PCCB: variants seen among roughly 807,000 people sequenced by gnomAD.
The protein encoded by PCCB is propionyl-CoA carboxylase beta chain, mitochondrial.
PCCB carries 43 observed loss-of-function variants against 60.7 expected under a neutral mutation model. The observed-to-expected ratio is 0.71, with a 90% CI of 0.55 to 0.91. The LOEUF is 0.91. Ranked by LOEUF, PCCB falls within the 40% of genes least tolerant of loss-of-function variation. The pLI is 0.00. For synonymous variants in PCCB, 276 were observed against 255.9 expected, an observed-to-expected ratio of 1.08 and a Z score of -0.75; for missense variants, 766 against 702.8, an observed-to-expected ratio of 1.09 and a Z score of -1.02.
intron 14 of PCCB, 97 bp from the exon 15 acceptor site, chr3:136,329,808 G>A (rs1935473921): frequency 7.4e-7 from 1 of 1,358,632 alleles, no homozygotes; most frequent in East Asian, 2.3e-5. Flanking sequence ...TGCTTATACT[G>A]CTGGCCCCAG....
intron 10 of PCCB, among the ~76,000 whole-genome samples, chr3:136,321,087 T>G (rs1421530484): frequency 6.6e-6 from 1 of 152,258 alleles, no homozygotes; most frequent in East Asian, 1.9e-4. Flanking sequence ...ATGTGGTTTT[T>G]GTCCTTCCTT....
chr3:136,295,664 T>A (rs1048242646), intron 7 of PCCB, among the ~76,000 whole-genome samples: 1 of 152,230 alleles, frequency 6.6e-6, no homozygotes, highest in East Asian at 1.9e-4. Flanking sequence ...ATGTTTGTAG[T>A]ACAAAACTTA....
intron 5 of PCCB, among the ~76,000 whole-genome samples, chr3:136,262,325 A>G (rs1033276258): frequency 6.6e-6 from 1 of 152,232 alleles, no homozygotes; most frequent in Non-Finnish European, 1.5e-5. Flanking sequence ...AGGGAAAAGC[A>G]CTTGAAAATG....
chr3:136,251,814 T>TTCATCTAAAAGAA (rs1941525234), intron 1 of PCCB, among the ~76,000 whole-genome samples: 1 of 152,186 alleles, frequency 6.6e-6, no homozygotes, highest in African/African-American at 2.4e-5. Flanking sequence ...CTCCAGAAGC[T>TTCATCTAAAAGAA]GTTTTTCTTT....
intron 3 of PCCB, among the ~76,000 whole-genome samples, chr3:136,257,779 C>T (rs929690059): frequency 3.3e-5 from 5 of 151,930 alleles, no homozygotes; most frequent in African/African-American, 9.7e-5. Context: ...CTACTAAAAA[C>T]ACAAAAATTA....
chr3:136,328,038 T>C (rs550383299), intron 13 of PCCB, among the ~76,000 whole-genome samples: 1 of 152,054 alleles, frequency 6.6e-6, no homozygotes, highest in African/African-American at 2.4e-5. Context: ...GGGCAAAGGG[T>C]TGAGTCAACT....
chr3:136,310,741 T>C (rs1054902860), intron 9 of PCCB, among the ~76,000 whole-genome samples: 4 of 152,204 alleles, frequency 2.6e-5, no homozygotes, highest in African/African-American at 4.8e-5. Context: ...TTCTTTAAAA[T>C]TATATCTGTG....
intron 5 of PCCB, among the ~76,000 whole-genome samples, chr3:136,273,578 C>CTTTTTTTTTTT (rs56936911): frequency 1.2e-4 from 7 of 59,198 alleles, no homozygotes; most frequent in East Asian, 4.3e-4. Flanking sequence ...CTTTTTCTTT[C>CTTTTTTTTTTT]TTTTTTTTTT....
At chr3:136,327,414 CTG>C (rs916699616) in intron 12 of PCCB, among the ~76,000 whole-genome samples, 159 bp downstream of exon 12, 6 of 152,322 alleles carry the variant, frequency 3.9e-5, no homozygotes, top group Admixed American at 3.9e-4. Context: ...GCAGAAATGT[CTG>C]TGCTTTTTTA....
intron 5 of PCCB, among the ~76,000 whole-genome samples, chr3:136,264,010 T>C (rs1276745579): frequency 1.5e-5 from 2 of 132,042 alleles, no homozygotes; most frequent in South Asian, 2.2e-4. Flanking sequence ...AGACTCTGTC[T>C]CAAAAAAAAA....
At chr3:136,312,914 T>A (rs1576349680) in intron 9 of PCCB, among the ~76,000 whole-genome samples, 2 of 152,114 alleles carry the variant, frequency 1.3e-5, no homozygotes, top group South Asian at 4.1e-4. Context: ...CAACCAAAAT[T>A]GATAGAAAAG....
intron 14 of PCCB, among the ~76,000 whole-genome samples, chr3:136,329,627 T>C (rs867041453): frequency 5.3e-5 from 8 of 152,216 alleles, no homozygotes; most frequent in Middle Eastern, 3.2e-3. Flanking sequence ...ATTGAATTCA[T>C]TGTGGCAGGA....
chr3:136,296,036 A>G (rs993452240), intron 7 of PCCB, among the ~76,000 whole-genome samples: 19 of 152,284 alleles, frequency 1.2e-4, no homozygotes, highest in African/African-American at 3.4e-4. Context: ...AAGGCACAAA[A>G]AGGTGCTCCG....
In PCCB at chr3:136,255,982, G is replaced by A. The variant is rs747794871; in HGVS notation, c.303+7G>A. On this transcript the variant is annotated splice_region_variant and intron_variant, in intron 2 of 14. Transcript: ENST00000251654. ...GGCTGCTGATAAGAATAAGGTATTT[G>A]TTCAAATGGTGGTGTGAACACTTTT... is the stretch of plus-strand genomic sequence containing the variant. 1.2e-6 allele frequency: 2 copies of A among 1,614,196 alleles called. No homozygotes were observed. Among genetic ancestry groups the A allele is most frequent in the Non-Finnish European group, 1.7e-6 (2 of 1,180,008 alleles).
rs377681768 is a variant in PCCB at position 136,250,391 on chromosome 3, C to G, written c.16C>G (p.Arg6Gly). MAAAL[R>G]VAAVGARLSV... ...CACAGCAAAAATGGCGGCGGCATTA[C>G]GGGTGGCGGCGGTCGGGGCAAGGCT... The change falls in exon 1 of 15, where the codon CGG (arginine) becomes GGG (glycine). Residue 6 changes from arginine to glycine, a missense_variant. By Grantham distance (125) the Arg-to-Gly change is moderately radical. Transcript: ENST00000251654. 6.5e-7 allele frequency: 1 copy of G among 1,535,770 alleles called. No individual in the cohort carries two copies. Among genetic ancestry groups the G allele is most frequent in the Non-Finnish European group, 8.8e-7 (1 of 1,137,554 alleles).
intron 5 of PCCB, among the ~76,000 whole-genome samples, chr3:136,270,930 A>G (rs529672074): frequency 6.6e-6 from 1 of 152,198 alleles, no homozygotes; most frequent in South Asian, 2.1e-4. Flanking sequence ...CCATTTGTAT[A>G]TCTTCTTTTG....
intron 5 of PCCB, among the ~76,000 whole-genome samples, chr3:136,278,141 C>T (rs1942381563): frequency 1.3e-5 from 2 of 152,194 alleles, no homozygotes; most frequent in South Asian, 4.1e-4. Context: ...CAAAGCACTT[C>T]CCGCCACTGT....
chr3:136,302,125 A>C (rs1934310820), intron 9 of PCCB, among the ~76,000 whole-genome samples: 1 of 152,322 alleles, frequency 6.6e-6, no homozygotes, highest in African/African-American at 2.4e-5. Context: ...CAGCAAGCAC[A>C]GATTCTCAAT....
intron 5 of PCCB, among the ~76,000 whole-genome samples, chr3:136,275,276 C>CTGATTGTT (rs933970977): frequency 6.6e-6 from 1 of 151,726 alleles, no homozygotes; most frequent in Non-Finnish European, 1.5e-5. Flanking sequence ...TCCGGAAATT[C>CTGATTGTT]TGATTGTTTT....
Sources: gnomAD v4.1 joint callset for allele counts (sites outside exome capture counted in the v4.1 genomes callset) on GRCh38, gnomAD v4.1.1 for gene constraint, MANE v1.5 for transcripts, NCBI Gene and HGNC (gene_info 2026-07-23, HGNC 2026-07-21) for gene names.